The following DGKH variants were observed in gnomAD, a reference collection of about 807,000 sequenced individuals.
The protein encoded by DGKH is diacylglycerol kinase eta, also known as DAG kinase eta.
A neutral mutation model predicts 159.3 loss-of-function variants in DGKH; 90 were observed. That is an observed-to-expected ratio of 0.57 (90% CI 0.48 to 0.67). The LOEUF (loss-of-function observed/expected upper bound fraction) is 0.67. Among genes scored for constraint, DGKH ranks in the 30% least tolerant of loss-of-function variants. DGKH has a pLI of 0.00. For synonymous variants in DGKH, 536 were observed against 553.8 expected, an observed-to-expected ratio of 0.97 and a Z score of 0.45; for missense variants, 1,181 against 1,506.1, an observed-to-expected ratio of 0.78 and a Z score of 3.57.
At chr13:42,171,543 A>ATT (rs1956455155) in intron 11 of DGKH, among the ~76,000 whole-genome samples, 1 of 152,194 alleles carries the variant, frequency 6.6e-6, no homozygotes, top group Non-Finnish European at 1.5e-5. Context: ...AGACATTTGG[A>ATT]TGGATTTATT....
intron 1 of DGKH, among the ~76,000 whole-genome samples, chr13:42,040,531 A>G (rs1423120371): frequency 6.8e-6 from 1 of 147,506 alleles, no homozygotes; most frequent in African/African-American, 2.5e-5. Flanking sequence ...AGCGGGGAGG[A>G]AAAGGGGAGG....
intron 13 of DGKH, among the ~76,000 whole-genome samples, chr13:42,179,985 G>A (rs1956710129): frequency 1.3e-5 from 2 of 152,256 alleles, no homozygotes; most frequent in South Asian, 4.1e-4. Flanking sequence ...TCAAACACAT[G>A]AAAGTAAATA....
At chr13:42,040,401 C>G (rs1017078795) in intron 1 of DGKH, among the ~76,000 whole-genome samples, 1 of 151,904 alleles carries the variant, frequency 6.6e-6, no homozygotes, top group African/African-American at 2.4e-5. Context: ...CGCGGCCGCC[C>G]GGTGCCCGTG....
chr13:42,087,746 A>T (rs930456477), intron 1 of DGKH, among the ~76,000 whole-genome samples: 22 of 142,374 alleles, frequency 1.5e-4, no homozygotes, highest in African/African-American at 4.1e-4. Flanking sequence ...TGCACTGCTC[A>T]TTTTTTTTTT....
At chr13:42,191,166 A>G (rs1018018496) in intron 16 of DGKH, among the ~76,000 whole-genome samples, 1 of 152,224 alleles carries the variant, frequency 6.6e-6, no homozygotes, top group Non-Finnish European at 1.5e-5. Flanking sequence ...TACTTTTAAT[A>G]TTGTATATTG....
chr13:42,161,333 A>G (rs967651536), intron 7 of DGKH, among the ~76,000 whole-genome samples: 3 of 152,204 alleles, frequency 2.0e-5, no homozygotes, highest in East Asian at 1.9e-4. Flanking sequence ...TAGAGCTTCA[A>G]CTGTTCACTT....
chr13:42,179,509 A>G (rs2138063848), intron 13 of DGKH, among the ~76,000 whole-genome samples: 1 of 152,342 alleles, frequency 6.6e-6, no homozygotes, highest in South Asian at 2.1e-4. Context: ...ACCGTGGCTC[A>G]TGCCTGTAAT....
intron 3 of DGKH, among the ~76,000 whole-genome samples, chr13:42,146,745 T>C (rs1270444159): frequency 6.6e-6 from 1 of 152,240 alleles, no homozygotes; most frequent in African/African-American, 2.4e-5. Context: ...AGCATATAGT[T>C]GTTGTATATG....
intron 3 of DGKH, among the ~76,000 whole-genome samples, chr13:42,130,567 C>T (rs1955269037): frequency 6.6e-6 from 1 of 152,110 alleles, no homozygotes; most frequent in South Asian, 2.1e-4. Context: ...GCTGTGTTGT[C>T]ACTCCCATCC....
intron 11 of DGKH, among the ~76,000 whole-genome samples, chr13:42,170,951 A>C (rs1340623077): frequency 5.9e-5 from 9 of 152,100 alleles, no homozygotes; most frequent in African/African-American, 1.9e-4. Context: ...TCAAAAAAAA[A>C]AAAAAAAATA....
chr13:42,085,336 A>C (rs1225543585), intron 1 of DGKH, among the ~76,000 whole-genome samples: 1 of 152,164 alleles, frequency 6.6e-6, no homozygotes, highest in Non-Finnish European at 1.5e-5. Context: ...TCTCTCCCCA[A>C]AATGGCCGTC....
intron 29 of DGKH, chr13:42,225,484 A>AT: frequency 1.3e-6 from 1 of 773,284 alleles, no homozygotes; most frequent in Non-Finnish European, 1.9e-6. Context: ...TACTCATATG[A>AT]TAAAAACTGG....
At chr13:42,250,096 G>T (rs531959114) in intron 29 of DGKH, among the ~76,000 whole-genome samples, 1 of 151,376 alleles carries the variant, frequency 6.6e-6, no homozygotes, top group African/African-American at 2.4e-5. Flanking sequence ...TCAGCCTCCC[G>T]AGTAGCTGGG....
intron 26 of DGKH, among the ~76,000 whole-genome samples, chr13:42,217,115 A>ACAACTAAGG (rs1957819669): frequency 1.3e-5 from 2 of 152,252 alleles, no homozygotes; most frequent in Admixed American, 6.5e-5. Context: ...ACAATAAGGA[A>ACAACTAAGG]TTGATTGTAT....
At position 42,151,546 on chromosome 13, in the gene DGKH, CACGTGT is replaced by C. The variant is rs1955894318; in HGVS notation, c.385-3743_385-3738del. Reference sequence around the variant, plus strand: ...ATATACACGTGTATATATATATATACACGTGTATATATGTAGTTTCACTTATATGTA... The same window carrying C: ...ATATACACGTGTATATATATATATACATATATGTAGTTTCACTTATATGTA... On this transcript the variant is annotated intron_variant, in intron 3 of 29. Transcript: ENST00000337343. Among the ~76,000 whole-genome samples, 3 of 117,618 alleles carry C rather than the reference CACGTGT, an allele frequency of 2.6e-5. No homozygotes were observed. In the South Asian group the frequency reaches 1.1e-3, roughly 44 times the overall value. The allele number at this position is 117,618 out of a possible 152,430, so 77.2% of individuals were successfully genotyped here. A position where few individuals can be genotyped will look rare whatever the true frequency, so the allele number is the denominator to read the frequency against.
chr13:42,062,691 A>G (rs1747970490), intron 1 of DGKH, among the ~76,000 whole-genome samples: 1 of 152,228 alleles, frequency 6.6e-6, no homozygotes, highest in African/African-American at 2.4e-5. Context: ...AGGTCAGGAC[A>G]TAATCCAGAC....
intron 1 of DGKH, among the ~76,000 whole-genome samples, chr13:42,086,226 AT>A (rs1284597750): frequency 2.6e-5 from 4 of 152,088 alleles, no homozygotes; most frequent in Non-Finnish European, 5.9e-5. Flanking sequence ...CAAACCTTAA[AT>A]TTCTTATAAG....
chr13:42,244,903 CAAAAAAAAAAA>C (rs57184890), downstream of DGKH, among the ~76,000 whole-genome samples: 20 of 42,970 alleles, frequency 4.7e-4, no homozygotes, highest in South Asian at 5.9e-3. Context: ...GACTCCGTCT[CAAAAAAAAAAA>C]AAAAAAAAAA....
chr13:42,112,267 A>G (rs1328790002), intron 1 of DGKH, among the ~76,000 whole-genome samples: 1 of 149,082 alleles, frequency 6.7e-6, no homozygotes, highest in Non-Finnish European at 1.5e-5. Context: ...GTCAATGCAT[A>G]CCATCTAGCC....
Sources: allele counts gnomAD v4.1 joint callset (sites outside exome capture counted in the v4.1 genomes callset), GRCh38; gene constraint gnomAD v4.1.1; transcripts MANE v1.5; gene names NCBI Gene and HGNC (gene_info 2026-07-23, HGNC 2026-07-21).